Variants in COL5A1 observed in about 807,000 individuals in gnomAD.
COL5A1 encodes collagen type V alpha 1 chain.
In COL5A1, 16 loss-of-function variants were observed where a neutral mutation model predicts 263.7. That is an observed-to-expected ratio of 0.06 (90% CI 0.04 to 0.09). The LOEUF is 0.09. COL5A1 is among the 10% of genes least tolerant of loss of function. COL5A1 has a pLI of 1.00. For missense variants in COL5A1, 2,036 were observed against 2,540.5 expected, an observed-to-expected ratio of 0.80 and a Z score of 4.27; for synonymous variants, 1,012 against 1,004.5, an observed-to-expected ratio of 1.01 and a Z score of -0.14.
intron 42 of COL5A1, among the ~76,000 whole-genome samples, chr9:134,806,996 G>A (rs1838318560): frequency 6.6e-6 from 1 of 152,192 alleles, no homozygotes; most frequent in Non-Finnish European, 1.5e-5. Context: ...AGAAGGAGAT[G>A]AGCGAGCGCC....
intron 44 of COL5A1, 145 bp from the exon 45 acceptor site, chr9:134,811,194 A>G (rs1253875518): frequency 1.0e-5 from 8 of 800,820 alleles, no homozygotes; most frequent in South Asian, 4.1e-5. Context: ...GCAGGCTTGC[A>G]TCGTGGTGCA....
intron 11 of COL5A1, among the ~76,000 whole-genome samples, chr9:134,747,934 CAT>C (rs1363792514): frequency 7.0e-6 from 1 of 142,852 alleles, no homozygotes; most frequent in African/African-American, 2.7e-5. Flanking sequence ...TTCATACACA[CAT>C]GCATTCATAC....
chr9:134,670,637 C>G (rs1186342826), intron 1 of COL5A1, among the ~76,000 whole-genome samples: 1 of 152,248 alleles, frequency 6.6e-6, no homozygotes, highest in Admixed American at 6.5e-5. Context: ...TCCTGCTCCA[C>G]AGGCTGTCCC....
chr9:134,836,302 G>C (rs1381516824), intron 65 of COL5A1, among the ~76,000 whole-genome samples: 2 of 152,186 alleles, frequency 1.3e-5, no homozygotes, highest in African/African-American at 4.8e-5. Context: ...GAGAGGAAGC[G>C]AGGGGGTGCC....
intron 4 of COL5A1, among the ~76,000 whole-genome samples, chr9:134,713,973 C>T (rs759172334): frequency 3.3e-5 from 5 of 152,204 alleles, no homozygotes; most frequent in Non-Finnish European, 7.3e-5. Context: ...CCTCCAGGCC[C>T]AGCTCTGAGC....
chr9:134,828,612 T>A (rs1224184890), intron 63 of COL5A1, among the ~76,000 whole-genome samples: 1 of 4,396 alleles, frequency 2.3e-4, no homozygotes, highest in Non-Finnish European at 4.7e-4. Flanking sequence ...ATACACACCA[T>A]ACACCACACA....
At chr9:134,830,305 T>C in intron 64 of COL5A1, 1 of 926,344 alleles carries the variant, frequency 1.1e-6, no homozygotes, top group South Asian at 1.6e-5. Context: ...CCACATCACG[T>C]GACAGCAAGA....
chr9:134,760,727 GCA>G lies in COL5A1; in HGVS notation c.1936-1190_1936-1189del, dbSNP rs554432973. ...CACACCCACACACCCATACACACAT[GCA>G]CACACACCACACATGCACACACACC... On this transcript the variant is annotated intron_variant, in intron 18 of 65. Coordinates refer to ENST00000371817, the MANE Select transcript of COL5A1 (RefSeq NM_000093.5). Among the ~76,000 whole-genome samples, 38 of 107,814 alleles carry G rather than the reference GCA, an allele frequency of 3.5e-4. No individual in the cohort carries two copies. The South Asian group carries it at 8.8e-3, about 25-fold the overall frequency. The allele number at this position is 107,814 out of a possible 152,430, so 70.7% of individuals were successfully genotyped here. A position where few individuals can be genotyped will look rare whatever the true frequency, so the allele number is the denominator to read the frequency against.
At chr9:134,788,212 G>GA (rs1438168540) in intron 31 of COL5A1, among the ~76,000 whole-genome samples, 2 of 151,734 alleles carry the variant, frequency 1.3e-5, no homozygotes, top group Non-Finnish European at 2.9e-5. Context: ...ATCGATGAAT[G>GA]GGTAGGTGGG....
rs183293105 is a variant in COL5A1 at position 134,829,520 on chromosome 9, T to C, written c.5068-456T>C. Among the ~76,000 whole-genome samples, 1,000 of 139,968 alleles carry C rather than the reference T, an allele frequency of 7.1e-3. 22 individuals are homozygous for C. The highest frequency in any genetic ancestry group is 0.026 in the African/African-American group (921 of 35,648). The allele number at this position is 139,968 out of a possible 152,430, so 91.8% of individuals were successfully genotyped here. A position where few individuals can be genotyped will look rare whatever the true frequency, so the allele number is the denominator to read the frequency against. On this transcript the variant is annotated intron_variant, in intron 63 of 65. Transcript: ENST00000371817. Reference sequence around the variant, plus strand: ...CGCAGCCTCCAGTCTCCCCGAGGGCTGGGGCCAGGCTCCTCCTCACGCAGC... The same window carrying C: ...CGCAGCCTCCAGTCTCCCCGAGGGCCGGGGCCAGGCTCCTCCTCACGCAGC...
At chr9:134,695,752 G>A (rs1833437841) in intron 2 of COL5A1, among the ~76,000 whole-genome samples, 1 of 152,180 alleles carries the variant, frequency 6.6e-6, no homozygotes, top group South Asian at 2.1e-4. Flanking sequence ...GGTTAGTCCA[G>A]CCCAGGGAAT....
At chr9:134,783,150 G>A (rs940748903) in intron 29 of COL5A1, among the ~76,000 whole-genome samples, 3 of 152,224 alleles carry the variant, frequency 2.0e-5, no homozygotes, top group Non-Finnish European at 4.4e-5. Context: ...CCACACGGCC[G>A]GCGCCCACAG....
intron 1 of COL5A1, among the ~76,000 whole-genome samples, chr9:134,690,644 T>C (rs1346206576): frequency 6.6e-6 from 1 of 152,274 alleles, no homozygotes; most frequent in East Asian, 1.9e-4. Flanking sequence ...GTGTGGCCGC[T>C]GGTGGGGACA....
At chr9:134,649,145 C>A (rs1831581282) in intron 1 of COL5A1, among the ~76,000 whole-genome samples, 1 of 152,070 alleles carries the variant, frequency 6.6e-6, no homozygotes, top group Non-Finnish European at 1.5e-5. Context: ...GCCAGCCCAG[C>A]CCCAGGCCAC....
Position 134,642,289 on chromosome 9 carries a change from C to A in COL5A1, c.102C>A (p.Ser34Arg). 8.9e-7 allele frequency: 1 copy of A among 1,119,108 alleles called. No homozygotes were observed. The highest frequency in any genetic ancestry group is 1.1e-6 in the Non-Finnish European group (1 of 896,696). 69.3% of individuals were successfully genotyped at this position (1,119,108 alleles called of 1,614,324 possible). ...LLLLLWAPPP[S>R]RAAQPADLLK... ...TGCTGCTGTGGGCGCCGCCTCCGAG[C>A]CGCGCAGGTAAGGGCGCCCCGGGGC... Residue 34 changes from serine to arginine, a missense_variant, in exon 1 of 66, where the codon AGC (serine) becomes AGA (arginine). Physicochemically the swap from Ser to Arg is moderately radical, Grantham distance 110. Around this residue, in one of 3 missense-constraint regions of COL5A1, gnomAD observed 600 missense variants for 634.5 expected, o/e 0.95. Coordinates refer to ENST00000371817, the MANE Select transcript of COL5A1 (RefSeq NM_000093.5). This position sits in a 1 kb window ranked among gnomAD's most constrained non-coding sequence, Gnocchi z 4.5.
Position 134,822,955 on chromosome 9 carries a change from C to T in COL5A1, c.4609-43C>T. 2.5e-6 allele frequency: 4 copies of T among 1,613,358 alleles called. No individual in the cohort carries two copies. In the South Asian group the frequency reaches 4.4e-5, roughly 18 times the overall value. ...GACATGGAGCACGGTGGGGCTGGAG[C>T]TGAGACCCGGCTTGCTGACGTTCTG... On this transcript the variant is annotated intron_variant, in intron 59 of 65. Transcript: ENST00000371817.
chr9:134,779,088 G>C (rs1837160805), intron 27 of COL5A1, among the ~76,000 whole-genome samples: 1 of 152,268 alleles, frequency 6.6e-6, no homozygotes, highest in South Asian at 2.1e-4. Flanking sequence ...GCAGCCGGCA[G>C]GCCCTGCGTC....
rs191395193 is a variant in COL5A1 at position 134,682,561 on chromosome 9, G to A, written c.110-8351G>A. ...CCTACCACACTGCCTGGTGGGGTGG[G>A]GGAGAGCCTGCTGCCCAGGAAGGGC... On this transcript the variant is annotated intron_variant, in intron 1 of 65. Coordinates refer to ENST00000371817, the MANE Select transcript of COL5A1 (RefSeq NM_000093.5). This position sits in a 1 kb window ranked among gnomAD's most constrained non-coding sequence, Gnocchi z 5.1. 2.9e-3 allele frequency among the ~76,000 whole-genome samples: 440 copies of A among 152,360 alleles called. 18 individuals are homozygous for A. In the South Asian group the frequency reaches 0.068, roughly 24 times the overall value.
chr9:134,819,236 C>A (rs779828229), intron 57 of COL5A1, among the ~76,000 whole-genome samples, 183 bp downstream of exon 57: 49 of 152,280 alleles, frequency 3.2e-4, no homozygotes, highest in Non-Finnish European at 6.5e-4. Context: ...GAGGCTTGGC[C>A]CCTGCCTCTG....
Sources: gnomAD v4.1 joint callset for allele counts (sites outside exome capture counted in the v4.1 genomes callset) on GRCh38, gnomAD v4.1.1 for gene constraint, gnomAD v4.1.1 regional missense constraint, Gnocchi (gnomAD v3.1) non-coding constraint, MANE v1.5 for transcripts, NCBI Gene and HGNC (gene_info 2026-07-23, HGNC 2026-07-21) for gene names.